The following ESRRG variants were observed in gnomAD, a reference collection of about 807,000 sequenced individuals.
ESRRG encodes the protein estrogen related receptor gamma, also known as estrogen-related receptor gamma.
ESRRG carries 13 observed loss-of-function variants against 44.0 expected under a neutral mutation model. That is an observed-to-expected ratio of 0.30 (90% CI 0.19 to 0.47). The LOEUF (loss-of-function observed/expected upper bound fraction) is 0.47, where lower values mean the gene tolerates loss of function less well. Ranked by LOEUF, ESRRG falls within the 20% of genes least tolerant of loss-of-function variation. The pLI is 1.00. For missense variants in ESRRG, 395 were observed against 580.6 expected, an observed-to-expected ratio of 0.68 and a Z score of 3.29; for synonymous variants, 215 against 214.6, an observed-to-expected ratio of 1.00 and a Z score of -0.02.
At chr1:216,535,102 T>G (rs560508517) in intron 5 of ESRRG, among the ~76,000 whole-genome samples, 1 of 152,186 alleles carries the variant, frequency 6.6e-6, no homozygotes, top group African/African-American at 2.4e-5. Flanking sequence ...GGCAAAAGAA[T>G]GTAATATTGG....
chr1:216,760,136 G>A (rs945705996), intron 2 of ESRRG, among the ~76,000 whole-genome samples: 4 of 151,914 alleles, frequency 2.6e-5, no homozygotes, highest in African/African-American at 7.3e-5. Flanking sequence ...GTTCAACATT[G>A]TCTCCCCAGC....
intron 1 of ESRRG, among the ~76,000 whole-genome samples, chr1:217,001,103 A>G (rs10779288): frequency 6.6e-6 from 1 of 152,086 alleles, no homozygotes; most frequent in African/African-American, 2.4e-5. Context: ...CTGAGTGAAA[A>G]AATTTGTCTA....
chr1:216,892,336 G>T (rs547016857), intron 2 of ESRRG, among the ~76,000 whole-genome samples: 4 of 152,068 alleles, frequency 2.6e-5, no homozygotes, highest in Non-Finnish European at 5.9e-5. Flanking sequence ...TGTTTATTTT[G>T]CAGTTTTAAG....
chr1:216,997,864 C>T (rs2076560459), intron 1 of ESRRG, among the ~76,000 whole-genome samples: 1 of 152,156 alleles, frequency 6.6e-6, no homozygotes, highest in Admixed American at 6.5e-5. Flanking sequence ...TTTCCTGGAC[C>T]CCATTAACCT....
At chr1:216,745,872 A>C (rs2091340523) in intron 2 of ESRRG, among the ~76,000 whole-genome samples, 1 of 152,228 alleles carries the variant, frequency 6.6e-6, no homozygotes. Flanking sequence ...TATCAAACTC[A>C]TTCTGTAAAT....
intron 3 of ESRRG, 58 bp downstream of exon 3, chr1:216,650,915 T>G (rs953722442): frequency 4.9e-6 from 5 of 1,013,546 alleles, no homozygotes; most frequent in Non-Finnish European, 7.9e-6. Context: ...GTGGAATTTT[T>G]TGCCTCCCAT....
chr1:216,957,766 T>G (rs1262097012), intron 1 of ESRRG, among the ~76,000 whole-genome samples: 1 of 152,196 alleles, frequency 6.6e-6, no homozygotes, highest in East Asian at 1.9e-4. Flanking sequence ...ATGCTTTTCT[T>G]TTTTGAAAGT....
chr1:216,931,849 A>AC (rs201303596), intron 2 of ESRRG, among the ~76,000 whole-genome samples: 347 of 151,994 alleles, frequency 2.3e-3, no homozygotes, highest in African/African-American at 6.1e-3. Flanking sequence ...AAAAAAAAAA[A>AC]ACACAAAATA....
chr1:217,065,742 G>A (rs1212168341), intron 1 of ESRRG, among the ~76,000 whole-genome samples: 2 of 152,212 alleles, frequency 1.3e-5, no homozygotes, highest in South Asian at 4.1e-4. Flanking sequence ...AACTGGCAAA[G>A]AGAGAGTTAC....
At chr1:216,880,068 G>C (rs2096418706) in intron 2 of ESRRG, among the ~76,000 whole-genome samples, 1 of 151,990 alleles carries the variant, frequency 6.6e-6, no homozygotes, top group Non-Finnish European at 1.5e-5. Flanking sequence ...AGCACTTTGG[G>C]AGTTCGAGGC....
At chr1:216,609,552 G>T (rs1350528929) in intron 3 of ESRRG, among the ~76,000 whole-genome samples, 1 of 152,070 alleles carries the variant, frequency 6.6e-6, no homozygotes, top group East Asian at 1.9e-4. Flanking sequence ...AGTAATAACT[G>T]AAGTTTCATA....
At chr1:216,867,721 T>C (rs1228222121) in intron 2 of ESRRG, among the ~76,000 whole-genome samples, 3 of 152,146 alleles carry the variant, frequency 2.0e-5, no homozygotes, top group African/African-American at 7.2e-5. Flanking sequence ...AATTCCATGG[T>C]GCTAAGGTTA....
chr1:216,523,804 C>T (rs1354076101), intron 5 of ESRRG, among the ~76,000 whole-genome samples: 2 of 150,864 alleles, frequency 1.3e-5, no homozygotes, highest in Non-Finnish European at 1.5e-5. Context: ...ATGGCATTGA[C>T]TTGCCTGATC....
chr1:216,645,275 C>T (rs1175821858), intron 3 of ESRRG, among the ~76,000 whole-genome samples: 1 of 152,108 alleles, frequency 6.6e-6, no homozygotes, highest in African/African-American at 2.4e-5. Flanking sequence ...TAGAACATCT[C>T]ATTATCCATA....
At chr1:216,830,095 C>A (rs373479546) in intron 2 of ESRRG, among the ~76,000 whole-genome samples, 24 of 152,128 alleles carry the variant, frequency 1.6e-4, no homozygotes, top group Non-Finnish European at 2.9e-4. Flanking sequence ...ACTTTTAATG[C>A]GGGCCTACAA....
At chr1:216,912,075 G>A (rs2060374112) in intron 2 of ESRRG, among the ~76,000 whole-genome samples, 1 of 147,312 alleles carries the variant, frequency 6.8e-6, no homozygotes, top group Admixed American at 7.0e-5. Flanking sequence ...CTCAAGCCTG[G>A]GAGACAGAGC....
At chr1:216,563,836 T>C (rs971288456) in intron 5 of ESRRG, among the ~76,000 whole-genome samples, 43 of 152,158 alleles carry the variant, frequency 2.8e-4, no homozygotes, top group African/African-American at 9.9e-4. Flanking sequence ...TGATTCTTAG[T>C]TGGGAAAATA....
In ESRRG at chr1:216,800,442, A is replaced by G. The variant is rs529345443; in HGVS notation, c.-13-122951T>C. Among the ~76,000 whole-genome samples the G allele has an allele frequency of 2.0e-5, 3 of 152,298 alleles. No homozygotes were observed. In the South Asian group the frequency reaches 6.2e-4, roughly 32 times the overall value. On this transcript the variant is annotated intron_variant, in intron 2 of 7. Transcript: ENST00000359162. ...CAAGTACAAATATTTCAACCAACAC[A>G]TAAGACCGCTTAAGAAACATCTATC...
At chr1:216,982,336 C>T (rs2074102849) in intron 1 of ESRRG, among the ~76,000 whole-genome samples, 1 of 152,072 alleles carries the variant, frequency 6.6e-6, no homozygotes, top group Admixed American at 6.6e-5. Flanking sequence ...AAGAAATGAG[C>T]CAAAAGTTTT....
Sources: gnomAD v4.1 joint callset for allele counts (sites outside exome capture counted in the v4.1 genomes callset) on GRCh38, gnomAD v4.1.1 for gene constraint, MANE v1.5 for transcripts, NCBI Gene and HGNC (gene_info 2026-07-23, HGNC 2026-07-21) for gene names.